The following PYGO1 variants were observed in gnomAD, a reference collection of about 807,000 sequenced individuals.
The protein encoded by PYGO1 is pygopus family PHD finger 1.
PYGO1 carries 6 observed loss-of-function variants against 29.5 expected under a neutral mutation model. That is an observed-to-expected ratio of 0.20 (90% confidence interval 0.11 to 0.40). The LOEUF is 0.40. PYGO1 is among the 10% of genes least tolerant of loss of function. The pLI, the probability that PYGO1 is intolerant of heterozygous loss-of-function variation, is 1.00. For missense variants in PYGO1, 515 were observed against 514.9 expected (o/e 1.00, Z 0.00); for synonymous variants, 186 against 180.5 (o/e 1.03, Z -0.24).
intron 1 of PYGO1, among the ~76,000 whole-genome samples, chr15:55,583,377 G>GA (rs139459778): frequency 3.8e-4 from 53 of 140,306 alleles, no homozygotes; most frequent in South Asian, 6.9e-4. Flanking sequence ...TTTTTCCAAT[G>GA]AAAAAAAAAA....
At chr15:55,557,612 G>A (rs1285738408) in intron 1 of PYGO1, among the ~76,000 whole-genome samples, 1 of 152,100 alleles carries the variant, frequency 6.6e-6, no homozygotes, top group Non-Finnish European at 1.5e-5. Context: ...CTGGCAAACC[G>A]AATCCAGCAG....
intron 1 of PYGO1, among the ~76,000 whole-genome samples, chr15:55,559,560 G>A (rs1481441810): frequency 6.6e-6 from 1 of 152,156 alleles, no homozygotes; most frequent in Non-Finnish European, 1.5e-5. Flanking sequence ...ATTCACAATA[G>A]CAAAGACTTG....
In PYGO1 at chr15:55,539,352, A is replaced by G. The variant is rs1215818963; in HGVS notation, c.*6671T>C. The stretch of plus-strand genomic sequence containing the variant: ...ATTTAACACTTGGAAGCCCTTAAAG[A>G]GTCAAACTTTCCATTATCTACTATA... On this transcript the variant is annotated 3_prime_UTR_variant, in exon 3 of 3. Transcript: ENST00000563719. 6.6e-6 allele frequency: 1 copy of G among 152,126 alleles called. No homozygotes were observed. The highest frequency in any genetic ancestry group is 6.5e-5 in the Admixed American group (1 of 15,278). The allele number at this position is 152,126 out of a possible 1,614,324, so 9.4% of individuals were successfully genotyped here.
intron 1 of PYGO1, among the ~76,000 whole-genome samples, chr15:55,582,238 A>C (rs541757033): frequency 1.3e-3 from 203 of 151,298 alleles, no homozygotes; most frequent in African/African-American, 4.8e-3. Context: ...AAGGAGACAG[A>C]AATTCTAGGA....
chr15:55,550,485 A>C (rs563117445), intron 1 of PYGO1, among the ~76,000 whole-genome samples: 2 of 152,212 alleles, frequency 1.3e-5, no homozygotes, highest in African/African-American at 4.8e-5. Context: ...ACCAGCTTCA[A>C]CATGTTTTCT....
intron 1 of PYGO1, among the ~76,000 whole-genome samples, chr15:55,576,221 C>T (rs531190556): frequency 6.6e-6 from 1 of 151,198 alleles, no homozygotes; most frequent in East Asian, 2.0e-4. Context: ...CTTTGGGAGG[C>T]CGAGGCGGGC....
chr15:55,547,095 G>C lies in PYGO1; in HGVS notation c.188C>G (p.Ser63Cys). The change falls in exon 3 of 3, where the codon TCT becomes TGT. Residue 63 changes from serine (S) to cysteine (C), a missense_variant. Physicochemically the swap from Ser to Cys is moderately radical, Grantham distance 112 (BLOSUM62 -1). Coordinates refer to ENST00000563719, the MANE Select transcript of PYGO1 (RefSeq NM_001367806.1). ...SEYAPPPNPN[S>C]DHLVAANPFD... ...TGGATTAGCAGCCACTAGATGGTCA[G>C]AGTTTGGATTCGGTGGTGGAGCATA... 6.2e-7 allele frequency: 1 copy of C among 1,611,900 alleles called. No homozygotes were observed. Among genetic ancestry groups the C allele is most frequent in the Non-Finnish European group, 8.5e-7 (1 of 1,179,220 alleles).
chr15:55,550,939 A>C (rs1045128939), intron 1 of PYGO1, among the ~76,000 whole-genome samples: 1 of 152,198 alleles, frequency 6.6e-6, no homozygotes, highest in African/African-American at 2.4e-5. Flanking sequence ...TTGTGGAATG[A>C]AACTGTTCCA....
chr15:55,549,139 C>CA, intron 1 of PYGO1, 144 bp from the exon 2 acceptor site: 1 of 554,166 alleles, frequency 1.8e-6, no homozygotes, highest in Non-Finnish European at 2.9e-6. Flanking sequence ...TTATCTGTTT[C>CA]AAAAAAGTCT....
intron 1 of PYGO1, 85 bp from the exon 2 acceptor site, chr15:55,549,080 T>C: frequency 9.9e-7 from 1 of 1,008,298 alleles, no homozygotes; most frequent in Non-Finnish European, 1.4e-6. Context: ...TATATTTACC[T>C]GTTAATGTTT....
At chr15:55,584,175 G>A (rs1294866268) in intron 1 of PYGO1, among the ~76,000 whole-genome samples, 1 of 148,688 alleles carries the variant, frequency 6.7e-6, no homozygotes, top group Non-Finnish European at 1.5e-5. Flanking sequence ...GGAGTGGAAT[G>A]GTGCGATCTC....
intron 1 of PYGO1, among the ~76,000 whole-genome samples, chr15:55,573,150 C>T (rs2058987110): frequency 6.6e-6 from 1 of 151,802 alleles, no homozygotes; most frequent in Non-Finnish European, 1.5e-5. Context: ...ACTAAAAATA[C>T]AAAAAATTAG....
intron 1 of PYGO1, among the ~76,000 whole-genome samples, chr15:55,569,661 G>A (rs1264451391): frequency 2.0e-5 from 3 of 152,278 alleles, no homozygotes; most frequent in East Asian, 1.9e-4. Context: ...CAAAAGTACT[G>A]TTGGTAGGAT....
At chr15:55,579,748 C>T (rs565461535) in intron 1 of PYGO1, among the ~76,000 whole-genome samples, 1 of 152,134 alleles carries the variant, frequency 6.6e-6, no homozygotes, top group Non-Finnish European at 1.5e-5. Flanking sequence ...TATAAATGGA[C>T]AAAATATACT....
At chr15:55,552,153 G>C (rs1005750214) in intron 1 of PYGO1, among the ~76,000 whole-genome samples, 1 of 151,714 alleles carries the variant, frequency 6.6e-6, no homozygotes, top group Non-Finnish European at 1.5e-5. Flanking sequence ...TCAGGAGTTC[G>C]AGACCAGCCT....
At chr15:55,554,452 G>C (rs2058894024) in intron 1 of PYGO1, among the ~76,000 whole-genome samples, 3 of 132,692 alleles carry the variant, frequency 2.3e-5, no homozygotes, top group Admixed American at 1.6e-4. Context: ...CTGGGTGACA[G>C]AGCAAGACTC....
intron 1 of PYGO1, among the ~76,000 whole-genome samples, chr15:55,549,282 T>A (rs1453980122): frequency 1.3e-5 from 2 of 152,180 alleles, no homozygotes; most frequent in Non-Finnish European, 2.9e-5. Context: ...AGGCCACCAC[T>A]ATTACTAGTT....
At chr15:55,566,007 T>C (rs1445579251) in intron 1 of PYGO1, among the ~76,000 whole-genome samples, 1 of 152,206 alleles carries the variant, frequency 6.6e-6, no homozygotes, top group Non-Finnish European at 1.5e-5. Context: ...GGTCTCGAAC[T>C]CCTGACCTTG....
chr15:55,557,196 G>C (rs3959680), intron 1 of PYGO1, among the ~76,000 whole-genome samples: 143,015 of 152,280 alleles, frequency 0.94, 67,333 homozygotes, highest in Non-Finnish European at 0.97. Context: ...AAACTACCAT[G>C]AGAGAATACT....
Sources: allele counts gnomAD v4.1 joint callset (sites outside exome capture counted in the v4.1 genomes callset), GRCh38; gene constraint gnomAD v4.1.1; transcripts MANE v1.5; gene names NCBI Gene and HGNC (gene_info 2026-07-23, HGNC 2026-07-21).